CFAP99: variants seen among roughly 807,000 people sequenced by gnomAD.
CFAP99 encodes cilia and flagella associated protein 99, also known as cilia- and flagella-associated protein 99.
CFAP99 carries 84 observed loss-of-function variants against 82.7 expected under a neutral mutation model. The observed-to-expected ratio is 1.02, with a 90% CI of 0.85 to 1.22. The LOEUF is 1.22. CFAP99 is among the 50% of genes most tolerant of loss of function. The pLI, the probability that CFAP99 is intolerant of heterozygous loss-of-function variation, is 0.00. For synonymous variants in CFAP99, 456 were observed against 429.5 expected, an observed-to-expected ratio of 1.06 and a Z score of -0.76; for missense variants, 1,059 against 983.5, an observed-to-expected ratio of 1.08 and a Z score of -1.03.
chr4:2,444,986 G>C, intron 5 of CFAP99, 145 bp from the exon 6 acceptor site: 2 of 468,750 alleles, frequency 4.3e-6, no homozygotes, highest in Non-Finnish European at 6.9e-6. Context: ...AAGCCACTTC[G>C]TGAAGTGAGG....
In CFAP99 at chr4:2,448,691, T is replaced by A. The variant is rs1203035121; in HGVS notation, c.643-979T>A. Among the ~76,000 whole-genome samples, 1 of 152,166 alleles carries A rather than the reference T, an allele frequency of 6.6e-6. No homozygotes were observed. Among genetic ancestry groups the A allele is most frequent in the Non-Finnish European group, 1.5e-5 (1 of 68,022 alleles). The stretch of plus-strand genomic sequence containing the variant: ...AAAGGCCCTGGGGCAGTGCCCACCC[T>A]CCCTCAAGTGTTTGAGGGTGGCCAG... On this transcript the variant is annotated intron_variant, in intron 6 of 14. Coordinates refer to ENST00000635017, the Ensembl canonical transcript of CFAP99. The surrounding 1 kb of genome is among the most constrained non-coding windows in gnomAD (Gnocchi z 5.2).
rs1394890136 is a variant in CFAP99, at chr4:2,446,541, G to A, written c.642+1233G>A. 2.6e-5 allele frequency among the ~76,000 whole-genome samples: 4 copies of A among 151,940 alleles called. No individual in the cohort carries two copies. The highest frequency in any genetic ancestry group is 7.3e-5 in the African/African-American group (3 of 41,352). On this transcript the variant is annotated intron_variant, in intron 6 of 14. Transcript: ENST00000635017. The surrounding 1 kb of genome is among the most constrained non-coding windows in gnomAD (Gnocchi z 5.0). ...CCGAGTAGCTGGGATTACAGGTACC[G>A]GCCACCACACCCGGCTAATTTTTAT...
Position 2,438,293 on chromosome 4 carries a change from C to T in CFAP99, c.351+129C>T, listed in dbSNP as rs1045689266. The T allele has an allele frequency of 2.2e-4, 141 of 652,980 alleles. 1 individual carries two copies. Among genetic ancestry groups the T allele is most frequent in the Middle Eastern group, 7.1e-4 (2 of 2,812 alleles). 40.4% of individuals were successfully genotyped at this position (652,980 alleles called of 1,614,324 possible). ...GTTTGTTTGTTTTGAGACGGAGTCT[C>T]ACTCTGTCGCCCAGGCTGGAGGGCA... On this transcript the variant is annotated intron_variant, in intron 4 of 14. Coordinates refer to ENST00000635017, the Ensembl canonical transcript of CFAP99.
intron 2 of CFAP99, among the ~76,000 whole-genome samples, chr4:2,434,414 C>T (rs555650654): frequency 3.3e-5 from 5 of 152,352 alleles, no homozygotes; most frequent in South Asian, 2.1e-4. Context: ...GCACCCACAA[C>T]GGAGCCCTAG....
At chr4:2,433,684 C>T (rs531490197) in intron 2 of CFAP99, among the ~76,000 whole-genome samples, 169 of 152,314 alleles carry the variant, frequency 1.1e-3, no homozygotes, top group African/African-American at 3.9e-3. Flanking sequence ...GCCCAGGTGG[C>T]CATCTAGCCA....
intron 11 of CFAP99, 50 bp downstream of exon 11, chr4:2,452,396 T>C: frequency 6.6e-7 from 1 of 1,515,370 alleles, no homozygotes; most frequent in Non-Finnish European, 8.8e-7. Flanking sequence ...CTGAACTGTG[T>C]GCCCACCGGG....
At chr4:2,450,066 G>A in intron 8 of CFAP99, 61 bp downstream of exon 8, 1 of 1,496,424 alleles carries the variant, frequency 6.7e-7, no homozygotes, top group Non-Finnish European at 9.0e-7. Context: ...CCATCAGAAA[G>A]TTCCTCCCAA....
At chr4:2,437,922 G>A (rs958771870) in intron 3 of CFAP99, 148 bp from the exon 4 acceptor site, 9 of 563,948 alleles carry the variant, frequency 1.6e-5, no homozygotes, top group African/African-American at 9.4e-5. Flanking sequence ...GTTTGTGTTC[G>A]CTTATCATTT....
At chr4:2,438,949 G>A (rs1405737344) in intron 4 of CFAP99, among the ~76,000 whole-genome samples, 1 of 152,186 alleles carries the variant, frequency 6.6e-6, no homozygotes, top group East Asian at 1.9e-4. Flanking sequence ...GGGGTCCAAG[G>A]GAATTGGTTC....
chr4:2,440,296 G>A (rs1485798555), intron 4 of CFAP99, among the ~76,000 whole-genome samples: 3 of 147,966 alleles, frequency 2.0e-5, no homozygotes, highest in Non-Finnish European at 4.5e-5. Context: ...ACAGGCGCCC[G>A]CCACTACGCC....
intron 10 of CFAP99, among the ~76,000 whole-genome samples, 195 bp downstream of exon 10, chr4:2,451,547 C>T (rs1308873272): frequency 6.6e-6 from 1 of 152,080 alleles, no homozygotes; most frequent in Non-Finnish European, 1.5e-5. Flanking sequence ...AAGATCATGC[C>T]GGCTCAGTGA....
intron 11 of CFAP99, among the ~76,000 whole-genome samples, chr4:2,454,595 T>TTTTTTTTTTTTTTTTTTTTTTTTTC (rs1734384944): frequency 1.0e-4 from 11 of 107,948 alleles, no homozygotes; most frequent in Non-Finnish European, 1.8e-4. Flanking sequence ...TTTTTTTTTG[T>TTTTTTTTTTTTTTTTTTTTTTTTTC]TTTTTTTTTT....
rs200928321 is a variant in CFAP99, at chr4:2,450,084, G to T, written c.795+79G>T. 2.2e-5 allele frequency: 30 copies of T among 1,371,190 alleles called. No individual in the cohort carries two copies. In the African/African-American group the frequency reaches 2.4e-4, roughly 11 times the overall value. 84.9% of individuals were successfully genotyped at this position (1,371,190 alleles called of 1,614,324 possible). ...TCAGAAAGTTCCTCCCAACGCCATCGCAGTGACCACTTATGTAGCCTTTTC... is the reference window on the plus strand; with the variant it reads ...TCAGAAAGTTCCTCCCAACGCCATCTCAGTGACCACTTATGTAGCCTTTTC... On this transcript the variant is annotated intron_variant, in intron 8 of 14. Transcript: ENST00000635017.
At chr4:2,438,408 G>C (rs4974692) in intron 4 of CFAP99, among the ~76,000 whole-genome samples, 31,498 of 151,884 alleles carry the variant, frequency 0.21, 3,539 homozygotes, top group East Asian at 0.34. Context: ...GACTACAGGC[G>C]CCCGCCACCA....
At chr4:2,453,959 G>A (rs1255762694) in intron 11 of CFAP99, among the ~76,000 whole-genome samples, 3 of 150,974 alleles carry the variant, frequency 2.0e-5, no homozygotes, top group Non-Finnish European at 4.4e-5. Flanking sequence ...GACTACAGGC[G>A]AGCACCACCA....
At chr4:2,454,569 GT>G (rs1734377462) in intron 11 of CFAP99, among the ~76,000 whole-genome samples, 1 of 93,906 alleles carries the variant, frequency 1.1e-5, no homozygotes, top group Admixed American at 9.6e-5. Flanking sequence ...TTCTTTTTTT[GT>G]TGTTTTTTTT....
At chr4:2,439,728 AC>A (rs1560382078) in intron 4 of CFAP99, among the ~76,000 whole-genome samples, 1 of 152,232 alleles carries the variant, frequency 6.6e-6, no homozygotes, top group Non-Finnish European at 1.5e-5. Flanking sequence ...TCTGGCAGAT[AC>A]CTGGAGACTG....
intron 1 of CFAP99, among the ~76,000 whole-genome samples, chr4:2,425,426 C>T (rs543232178): frequency 6.6e-6 from 1 of 152,168 alleles, no homozygotes; most frequent in South Asian, 2.1e-4. Flanking sequence ...TGGTGGGGGT[C>T]GCTTGCATGT....
chr4:2,437,756 T>C (rs942244411), intron 3 of CFAP99, among the ~76,000 whole-genome samples: 6 of 152,308 alleles, frequency 3.9e-5, no homozygotes, highest in African/African-American at 1.4e-4. Context: ...CTAGCCGGCT[T>C]GAGGTGACGA....
Sources: allele counts gnomAD v4.1 joint callset (sites outside exome capture counted in the v4.1 genomes callset), GRCh38; gene constraint gnomAD v4.1.1; non-coding constraint Gnocchi (gnomAD v3.1); transcripts MANE v1.5; gene names NCBI Gene and HGNC (gene_info 2026-07-23, HGNC 2026-07-21).